SVOP: variants seen among roughly 807,000 people sequenced by gnomAD.
The protein encoded by SVOP is SV2 related protein.
A neutral mutation model predicts 69.1 loss-of-function variants in SVOP; 17 were observed. The observed-to-expected ratio is 0.25, with a 90% confidence interval of 0.17 to 0.37. SVOP has a LOEUF of 0.37. Ranked by LOEUF, SVOP falls within the 10% of genes least tolerant of loss-of-function variation. The pLI, the probability that SVOP is intolerant of heterozygous loss-of-function variation, is 1.00. For missense variants in SVOP, 435 were observed against 597.5 expected (o/e 0.73, Z 2.84); for synonymous variants, 238 against 238.6 (o/e 1.00, Z 0.02).
chr12:108,953,753 T>C (rs903633708), intron 6 of SVOP, among the ~76,000 whole-genome samples: 2 of 152,166 alleles, frequency 1.3e-5, no homozygotes, highest in Non-Finnish European at 2.9e-5. Flanking sequence ...AGTGGCTCTC[T>C]TGGGTGGCTA....
At chr12:108,923,087 C>T (rs975467240) in intron 11 of SVOP, among the ~76,000 whole-genome samples, 5 of 152,180 alleles carry the variant, frequency 3.3e-5, no homozygotes, top group East Asian at 1.9e-4. Flanking sequence ...AGAATTGGCA[C>T]GTAGTAGGCA....
intron 1 of SVOP, among the ~76,000 whole-genome samples, chr12:109,001,164 A>C: frequency 3.7e-5 from 1 of 26,698 alleles, no homozygotes. Context: ...CTTATACACC[A>C]ATAACAGACA....
At position 108,921,410 on chromosome 12, in the gene SVOP, G is replaced by A. The variant is rs568034891; in HGVS notation, c.1156+1280C>T. On this transcript the variant is annotated intron_variant, in intron 12 of 15. Coordinates refer to ENST00000610966, the MANE Select transcript of SVOP (RefSeq NM_018711.5). ...GACAAGGATGCAAGTGCAAGGCATC[G>A]ACTTGGGAGGTAATCCAAGAAAGGA... is the stretch of plus-strand genomic sequence containing the variant. Among the ~76,000 whole-genome samples, 16 of 152,236 alleles carry A rather than the reference G, an allele frequency of 1.1e-4. No individual in the cohort carries two copies. In the South Asian group the frequency reaches 2.5e-3, roughly 24 times the overall value.
At chr12:108,977,320 G>A (rs939248259) in intron 4 of SVOP, 78 bp downstream of exon 4, 6 of 1,481,204 alleles carry the variant, frequency 4.1e-6, no homozygotes, top group Non-Finnish European at 5.4e-6. Context: ...TTCGGCAGCA[G>A]GAGAAGGGAG....
intron 1 of SVOP, among the ~76,000 whole-genome samples, chr12:108,984,969 G>GT (rs1769840660): frequency 6.6e-6 from 1 of 152,186 alleles, no homozygotes; most frequent in Non-Finnish European, 1.5e-5. Flanking sequence ...GATCATGCCT[G>GT]TAATCCCAGC....
chr12:108,971,928 C>T (rs2040081732), intron 5 of SVOP, among the ~76,000 whole-genome samples: 1 of 151,938 alleles, frequency 6.6e-6, no homozygotes, highest in Non-Finnish European at 1.5e-5. Flanking sequence ...TTGGCGCATG[C>T]TTGTAGTCCC....
rs2039678231 is a variant in SVOP, at chr12:108,911,017, T to C, written c.*1518A>G. The C allele has an allele frequency of 6.6e-6, 1 of 152,170 alleles. No homozygotes were observed. Among genetic ancestry groups the C allele is most frequent in the Admixed American group, 6.5e-5 (1 of 15,272 alleles). 9.4% of individuals were successfully genotyped at this position (152,170 alleles called of 1,614,324 possible). On this transcript the variant is annotated 3_prime_UTR_variant, in exon 16 of 16. Coordinates refer to ENST00000610966, the MANE Select transcript of SVOP (RefSeq NM_018711.5). ...CCAGCTTCCTCCCTCCTTGTCTATGTCCCCTGCCTTCACCATGGGAAAAAA... is the reference window on the plus strand; with the variant it reads ...CCAGCTTCCTCCCTCCTTGTCTATGCCCCCTGCCTTCACCATGGGAAAAAA...
chr12:109,010,784 C>T (rs190755625), intron 1 of SVOP, among the ~76,000 whole-genome samples: 7 of 151,782 alleles, frequency 4.6e-5, no homozygotes, highest in Admixed American at 2.0e-4. Flanking sequence ...TTATAGACAA[C>T]GGCCATTGCA....
chr12:108,911,363 C>CTTT lies in SVOP; in HGVS notation c.*1171_*1172insAAA, dbSNP rs2039680843. On this transcript the variant is annotated 3_prime_UTR_variant, in exon 16 of 16. Coordinates refer to ENST00000610966, the MANE Select transcript of SVOP (RefSeq NM_018711.5). Reference sequence around the variant, plus strand: ...CTACCCATGCACAAAACCCAAAGCCCTGGATTTTGGATTTTGTACCTGCAA... The same window carrying CTTT: ...CTACCCATGCACAAAACCCAAAGCCCTTTTGGATTTTGGATTTTGTACCTGCAA... 7 of 152,206 alleles carry CTTT rather than the reference C, an allele frequency of 4.6e-5. No individual in the cohort carries two copies. Among genetic ancestry groups the CTTT allele is most frequent in the African/African-American group, 7.2e-5 (3 of 41,426 alleles). The allele number at this position is 152,206 out of a possible 1,614,324, so 9.4% of individuals were successfully genotyped here.
intron 11 of SVOP, among the ~76,000 whole-genome samples, chr12:108,926,705 T>C (rs1290234260): frequency 6.6e-6 from 1 of 152,260 alleles, no homozygotes; most frequent in East Asian, 1.9e-4. Flanking sequence ...GGTGATGCAG[T>C]TGACTGCCCT....
At chr12:108,920,303 C>T (rs1195588038) in intron 12 of SVOP, among the ~76,000 whole-genome samples, 1 of 152,222 alleles carries the variant, frequency 6.6e-6, no homozygotes, top group Non-Finnish European at 1.5e-5. Context: ...TAAGCCACTA[C>T]ATTTTTGGGA....
intron 11 of SVOP, among the ~76,000 whole-genome samples, chr12:108,930,438 T>A (rs1464837957): frequency 2.9e-5 from 1 of 34,378 alleles, no homozygotes. Context: ...TTGATTGCTT[T>A]TTTTTTTTTT....
At chr12:108,952,317 C>T (rs543481603) in intron 6 of SVOP, among the ~76,000 whole-genome samples, 3 of 150,052 alleles carry the variant, frequency 2.0e-5, no homozygotes, top group African/African-American at 7.3e-5. Flanking sequence ...TCACCGCAAC[C>T]TCTAACCCCC....
chr12:108,945,901 T>C (rs1478914176), intron 6 of SVOP, among the ~76,000 whole-genome samples: 3 of 152,236 alleles, frequency 2.0e-5, no homozygotes, highest in Non-Finnish European at 4.4e-5. Context: ...ACCAGCTTGG[T>C]AATCTGGTCT....
At chr12:108,958,839 C>A (rs760330050) in intron 6 of SVOP, among the ~76,000 whole-genome samples, 1 of 152,078 alleles carries the variant, frequency 6.6e-6, no homozygotes, top group Non-Finnish European at 1.5e-5. Flanking sequence ...CTAGCCCCCC[C>A]GCCCCAATCT....
chr12:108,913,218 C>T (rs554696844), intron 15 of SVOP, among the ~76,000 whole-genome samples: 2 of 152,070 alleles, frequency 1.3e-5, no homozygotes, highest in African/African-American at 4.8e-5. Flanking sequence ...TCTGCCACCA[C>T]GCCCGGCTAA....
At chr12:108,986,824 T>C (rs545492560) in intron 1 of SVOP, among the ~76,000 whole-genome samples, 1 of 152,118 alleles carries the variant, frequency 6.6e-6, no homozygotes, top group African/African-American at 2.4e-5. Context: ...ATGCTCAGAG[T>C]AAACTTGAGA....
At chr12:108,944,914 G>A (rs147871996) in intron 7 of SVOP, among the ~76,000 whole-genome samples, 189 bp downstream of exon 7, 8,690 of 152,234 alleles carry the variant, frequency 0.057, 336 homozygotes, top group Non-Finnish European at 0.084. Flanking sequence ...TTTGTCAATT[G>A]AAGAATTTGT....
intron 12 of SVOP, among the ~76,000 whole-genome samples, chr12:108,920,346 A>C (rs941076174): frequency 2.0e-5 from 3 of 152,218 alleles, no homozygotes; most frequent in Non-Finnish European, 4.4e-5. Flanking sequence ...TAACTAACCC[A>C]GGCACCAGCA....
Sources: gnomAD v4.1 joint callset for allele counts (sites outside exome capture counted in the v4.1 genomes callset) on GRCh38, gnomAD v4.1.1 for gene constraint, MANE v1.5 for transcripts, NCBI Gene and HGNC (gene_info 2026-07-23, HGNC 2026-07-21) for gene names.